The following ZNF486 variants were observed in gnomAD, a reference collection of about 807,000 sequenced individuals.
ZNF486 encodes the protein zinc finger protein 486.
A neutral mutation model predicts 12.8 loss-of-function variants in ZNF486; 12 were observed. The observed-to-expected ratio is 0.94, with a 90% CI of 0.60 to 1.52. The LOEUF is 1.52. Ranked by LOEUF, ZNF486 falls within the 40% of genes most tolerant of loss-of-function variation. ZNF486 has a pLI of 0.00. For synonymous variants in ZNF486, 231 were observed against 184.9 expected, an observed-to-expected ratio of 1.25 and a Z score of -2.02; for missense variants, 738 against 545.0, an observed-to-expected ratio of 1.35 and a Z score of -3.53.
At chr19:20,176,904 A>G (rs554330694) in intron 1 of ZNF486, 1 of 152,354 alleles carries the variant, frequency 6.6e-6, no homozygotes, top group Non-Finnish European at 1.5e-5. Context: ...CACAGTGAGA[A>G]CTTTTGGAGC....
chr19:20,197,084 G>A lies in ZNF486; in HGVS notation c.374G>A (p.Gly125Asp). 6.2e-7 allele frequency: 1 copy of A among 1,612,372 alleles called. No homozygotes were observed. Among genetic ancestry groups the A allele is most frequent in the Non-Finnish European group, 8.5e-7 (1 of 1,179,688 alleles). ...CATGGCAATTTACACTTTAAAAAAG[G>A]CTGTGAAAGTGTGGATGAGTGTAAG... ...CGHGNLHFKK[G>D]CESVDECKLH... The change falls in exon 4 of 4, where the codon GGC becomes GAC. Residue 125 changes from glycine (G) to aspartate (D), a missense_variant. Transcript: ENST00000335117.
At chr19:20,167,507 C>T in intron 1 of ZNF486, 147 bp downstream of exon 1, 4 of 910,922 alleles carry the variant, frequency 4.4e-6, no homozygotes, top group Non-Finnish European at 5.0e-6. Flanking sequence ...CCCCTTCAGC[C>T]ATAAGATGGT....
chr19:20,181,367 A>G (rs576314974), intron 1 of ZNF486, among the ~76,000 whole-genome samples: 23 of 152,116 alleles, frequency 1.5e-4, no homozygotes, highest in South Asian at 1.0e-3. Context: ...GTGAAACCCC[A>G]CCTCTACTAA....
intron 3 of ZNF486, among the ~76,000 whole-genome samples, chr19:20,195,944 C>T (rs987756040): frequency 6.6e-6 from 1 of 152,058 alleles, no homozygotes; most frequent in Non-Finnish European, 1.5e-5. Context: ...TAAAAAAGCC[C>T]CTAGAAGACA....
intron 1 of ZNF486, among the ~76,000 whole-genome samples, chr19:20,179,009 T>C (rs1292733719): frequency 2.6e-5 from 4 of 152,232 alleles, no homozygotes; most frequent in African/African-American, 9.6e-5. Flanking sequence ...ATTCAGGCCC[T>C]AAATCTACAG....
intron 3 of ZNF486, among the ~76,000 whole-genome samples, chr19:20,196,622 A>G (rs2089960895): frequency 6.6e-6 from 1 of 150,490 alleles, no homozygotes; most frequent in Non-Finnish European, 1.5e-5. Context: ...GAGCCACTGC[A>G]CCAGGTTGGC....
chr19:20,194,972 T>A (rs1179346313), intron 3 of ZNF486, among the ~76,000 whole-genome samples: 1 of 152,062 alleles, frequency 6.6e-6, no homozygotes, highest in Non-Finnish European at 1.5e-5. Flanking sequence ...GATTTTCGGT[T>A]TTTTGGTATT....
chr19:20,184,018 CAT>C (rs1203631968), intron 1 of ZNF486, among the ~76,000 whole-genome samples: 2 of 152,124 alleles, frequency 1.3e-5, no homozygotes, highest in Non-Finnish European at 2.9e-5. Flanking sequence ...TCTAACTCAA[CAT>C]GTCTTTTCTG....
chr19:20,176,878 G>C (rs2089724388), intron 1 of ZNF486: 1 of 152,250 alleles, frequency 6.6e-6, no homozygotes, highest in Non-Finnish European at 1.5e-5. Flanking sequence ...CATGATTTCT[G>C]ATTAAGCTAG....
At chr19:20,175,906 G>A (rs376984908) in intron 1 of ZNF486, among the ~76,000 whole-genome samples, 8 of 151,262 alleles carry the variant, frequency 5.3e-5, no homozygotes, top group South Asian at 2.1e-4. Context: ...CAGTAGGGGC[G>A]GCTGGGCAGA....
At chr19:20,187,385 T>C (rs1475652427) in intron 3 of ZNF486, among the ~76,000 whole-genome samples, 2 of 152,162 alleles carry the variant, frequency 1.3e-5, no homozygotes, top group African/African-American at 4.8e-5. Context: ...TTTATTTCTT[T>C]GACTAATTCT....
chr19:20,189,798 T>G (rs1352835469), intron 3 of ZNF486, among the ~76,000 whole-genome samples: 2 of 151,184 alleles, frequency 1.3e-5, no homozygotes, highest in African/African-American at 4.9e-5. Flanking sequence ...GAATTTTCTT[T>G]TGATGTACAG....
Position 20,197,255 on chromosome 19 carries a change from T to C in ZNF486, c.545T>C (p.Leu182Ser). Residue 182 changes from leucine (L) to serine (S), a missense_variant, in exon 4 of 4, where the codon TTG (leucine) becomes TCG (serine). Coordinates refer to ENST00000335117, the MANE Select transcript of ZNF486 (RefSeq NM_052852.4). The stretch of plus-strand genomic sequence containing the variant: ...AGAAGACATACTGAAAAAAAACCTT[T>C]GAAATATATAGAAGGTGACAAAGCT... ...HKRRHTEKKP[L>S]KYIEGDKAFN... 6.2e-7 allele frequency: 1 copy of C among 1,611,650 alleles called. No homozygotes were observed. The highest frequency in any genetic ancestry group is 8.5e-7 in the Non-Finnish European group (1 of 1,179,404).
Position 20,198,038 on chromosome 19 carries a change from T to C in ZNF486, c.1328T>C (p.Phe443Ser), listed in dbSNP as rs1555718398. 6.2e-7 allele frequency: 1 copy of C among 1,612,594 alleles called. No individual in the cohort carries two copies. The highest frequency in any genetic ancestry group is 2.2e-5 in the East Asian group (1 of 44,848). Residue 443 changes from phenylalanine to serine, a missense_variant, in exon 4 of 4, where the codon TTT becomes TCT. Transcript: ENST00000335117. ...PYKCKECGKA[F>S]NWSSDLNKHK... Reference sequence around the variant, plus strand: ...AAATGTAAAGAATGTGGCAAAGCTTTTAACTGGTCCTCAGACCTTAATAAA... The same window carrying C: ...AAATGTAAAGAATGTGGCAAAGCTTCTAACTGGTCCTCAGACCTTAATAAA...
At chr19:20,174,322 A>G (rs1336568345) in intron 1 of ZNF486, among the ~76,000 whole-genome samples, 1 of 152,138 alleles carries the variant, frequency 6.6e-6, no homozygotes, top group African/African-American at 2.4e-5. Flanking sequence ...AATAATTAGC[A>G]TAGTTATGTG....
In ZNF486 at chr19:20,167,269, C is replaced by T. The variant is rs1345196640; in HGVS notation, c.-62C>T. On this transcript the variant is annotated 5_prime_UTR_variant, in exon 1 of 4. Coordinates refer to ENST00000335117, the MANE Select transcript of ZNF486 (RefSeq NM_052852.4). ...CCTCTTCGCTACTCTGTGTCCTCTG[C>T]TCCTAGAGGCCCACCCTCTGTGGCC... 40 of 1,604,790 alleles carry T rather than the reference C, an allele frequency of 2.5e-5. No homozygotes were observed. Among genetic ancestry groups the T allele is most frequent in the Non-Finnish European group, 3.2e-5 (38 of 1,171,630 alleles).
rs2089984775 is a variant in ZNF486, at chr19:20,198,621, CA to C, written c.*521del. On this transcript the variant is annotated 3_prime_UTR_variant, in exon 4 of 4. Transcript: ENST00000335117. Reference sequence around the variant, plus strand: ...TACTGTGACCTCTGCCTCCTGGGTTCAAGCCATTCTCCTGCCTCAGCCTCCC... The same window carrying C: ...TACTGTGACCTCTGCCTCCTGGGTTCAGCCATTCTCCTGCCTCAGCCTCCC... 1 of 155,752 alleles carries C rather than the reference CA, an allele frequency of 6.4e-6. No individual in the cohort carries two copies. Among genetic ancestry groups the C allele is most frequent in the Admixed American group, 6.3e-5 (1 of 15,890 alleles). 9.6% of individuals were successfully genotyped at this position (155,752 alleles called of 1,614,324 possible). A position where few individuals can be genotyped will look rare whatever the true frequency, so the allele number is the denominator to read the frequency against.
chr19:20,169,427 G>T (rs1212540885), intron 1 of ZNF486, among the ~76,000 whole-genome samples: 1 of 152,050 alleles, frequency 6.6e-6, no homozygotes, highest in African/African-American at 2.4e-5. Flanking sequence ...GTTATTAAAG[G>T]CCTAGTTAGT....
At chr19:20,173,887 T>A (rs1469432156) in intron 1 of ZNF486, among the ~76,000 whole-genome samples, 5 of 152,020 alleles carry the variant, frequency 3.3e-5, no homozygotes, top group African/African-American at 1.2e-4. Flanking sequence ...CTTAAGGGAT[T>A]TAGATTATAT....
Sources: allele counts gnomAD v4.1 joint callset (sites outside exome capture counted in the v4.1 genomes callset), GRCh38; gene constraint gnomAD v4.1.1; transcripts MANE v1.5; gene names NCBI Gene and HGNC (gene_info 2026-07-23, HGNC 2026-07-21).